LRP12: variants seen among roughly 807,000 people sequenced by gnomAD.
LRP12 encodes the protein LDL receptor related protein 12.
Under a neutral mutation model 66.0 loss-of-function variants are expected in LRP12, and 14 were observed. The observed-to-expected ratio is 0.21, with a 90% CI of 0.14 to 0.33. The LOEUF is 0.33. Ranked by LOEUF, LRP12 falls within the 10% of genes least tolerant of loss-of-function variation. The pLI is 1.00. For synonymous variants in LRP12, 357 were observed against 359.1 expected, an observed-to-expected ratio of 0.99 and a Z score of 0.07; for missense variants, 889 against 1,053.4, an observed-to-expected ratio of 0.84 and a Z score of 2.16.
chr8:104,553,626 C>G (rs1811760304), intron 1 of LRP12, among the ~76,000 whole-genome samples: 1 of 152,154 alleles, frequency 6.6e-6, no homozygotes, highest in African/African-American at 2.4e-5. Flanking sequence ...CACACCTAAC[C>G]CTGCCCCCAC....
intron 2 of LRP12, among the ~76,000 whole-genome samples, chr8:104,527,785 A>G (rs1442409949): frequency 6.6e-6 from 1 of 152,132 alleles, no homozygotes; most frequent in Non-Finnish European, 1.5e-5. Context: ...ATACATATGT[A>G]ACTAACCTGC....
intron 6 of LRP12, among the ~76,000 whole-genome samples, chr8:104,494,563 A>G (rs1588481110): frequency 6.6e-6 from 1 of 152,192 alleles, no homozygotes; most frequent in African/African-American, 2.4e-5. Flanking sequence ...AAATTTTTTT[A>G]ATTGCTAAGA....
chr8:104,534,068 C>CAAAAAAAAA (rs35546158), intron 1 of LRP12, among the ~76,000 whole-genome samples: 1 of 135,866 alleles, frequency 7.4e-6, no homozygotes, highest in Non-Finnish European at 1.6e-5. Flanking sequence ...TTTATAATAG[C>CAAAAAAAAA]AAAAAAAAAA....
chr8:104,572,157 T>C (rs572196035), intron 1 of LRP12, among the ~76,000 whole-genome samples: 3 of 152,234 alleles, frequency 2.0e-5, no homozygotes, highest in Non-Finnish European at 4.4e-5. Flanking sequence ...CAGTCTCAAA[T>C]GGTTATGTGT....
chr8:104,527,826 A>AT (rs1336722252), intron 2 of LRP12, among the ~76,000 whole-genome samples: 1 of 152,140 alleles, frequency 6.6e-6, no homozygotes, highest in African/African-American at 2.4e-5. Context: ...AAAACAAAGT[A>AT]TAATAATAAA....
chr8:104,518,480 T>C (rs747939484), intron 2 of LRP12, among the ~76,000 whole-genome samples: 2 of 151,958 alleles, frequency 1.3e-5, no homozygotes, highest in African/African-American at 2.4e-5. Context: ...TCTGGAAAAA[T>C]TACCAGGGAG....
chr8:104,585,535 T>C (rs1272600180), intron 1 of LRP12, among the ~76,000 whole-genome samples: 1 of 152,144 alleles, frequency 6.6e-6, no homozygotes, highest in East Asian at 1.9e-4. Flanking sequence ...CTCTAAACTA[T>C]ATTTTAAGGC....
chr8:104,547,659 TATA>T (rs1451148073), intron 1 of LRP12, among the ~76,000 whole-genome samples: 16 of 120,796 alleles, frequency 1.3e-4, no homozygotes, highest in African/African-American at 5.4e-4. Flanking sequence ...TAAAATATAA[TATA>T]ATTCTATATT....
At chr8:104,546,213 G>C (rs146319035) in intron 1 of LRP12, among the ~76,000 whole-genome samples, 5 of 152,150 alleles carry the variant, frequency 3.3e-5, no homozygotes, top group Admixed American at 3.3e-4. Context: ...GGAGTACACA[G>C]AAAAGGGAAA....
rs1811328412 is a variant in LRP12, at chr8:104,531,828, T to C, written c.136+79A>G. 4 of 910,096 alleles carry C rather than the reference T, an allele frequency of 4.4e-6. No individual in the cohort carries two copies. In the African/African-American group the frequency reaches 5.1e-5, roughly 12 times the overall value. The allele number at this position is 910,096 out of a possible 1,614,324, so 56.4% of individuals were successfully genotyped here. A position where few individuals can be genotyped will look rare whatever the true frequency, so the allele number is the denominator to read the frequency against. ...AATAATTTTTATAGCCAAATATCAC[T>C]TCGTAAGATACCAGGTGGCTTTCAA... On this transcript the variant is annotated intron_variant, in intron 2 of 6. Coordinates refer to ENST00000276654, the MANE Select transcript of LRP12 (RefSeq NM_013437.5).
At chr8:104,556,124 C>A (rs1027615739) in intron 1 of LRP12, among the ~76,000 whole-genome samples, 1 of 152,080 alleles carries the variant, frequency 6.6e-6, no homozygotes, top group Non-Finnish European at 1.5e-5. Flanking sequence ...AATAGTGACA[C>A]AACCTATCAA....
chr8:104,493,812 T>G (rs1588480827), intron 6 of LRP12, among the ~76,000 whole-genome samples: 1 of 152,242 alleles, frequency 6.6e-6, no homozygotes, highest in Admixed American at 6.5e-5. Context: ...GTTCACACAG[T>G]AATGCCCTCC....
At chr8:104,530,578 T>C (rs1224952679) in intron 2 of LRP12, among the ~76,000 whole-genome samples, 1 of 152,216 alleles carries the variant, frequency 6.6e-6, no homozygotes, top group Non-Finnish European at 1.5e-5. Context: ...AACTGATGTC[T>C]GTTATTTAAG....
chr8:104,499,562 G>A, intron 3 of LRP12, 43 bp from the exon 4 acceptor site: 2 of 1,398,426 alleles, frequency 1.4e-6, no homozygotes, highest in Admixed American at 2.1e-5. Context: ...GTCAATTTTG[G>A]AAAAAAAAAT....
chr8:104,585,556 G>GTAGTGTTTTTCAAGCTAAGGACTGCAA (rs1223760407), intron 1 of LRP12, among the ~76,000 whole-genome samples: 6 of 152,258 alleles, frequency 3.9e-5, no homozygotes, highest in Non-Finnish European at 7.4e-5. Flanking sequence ...TTCATCTTGG[G>GTAGTGTTTTTCAAGCTAAGGACTGCAA]TAGTGTTTTT....
In LRP12 at chr8:104,491,215, G is replaced by A. The variant is rs1391921298; in HGVS notation, c.2038C>T (p.Pro680Ser). 6.2e-7 allele frequency: 1 copy of A among 1,613,964 alleles called. No individual in the cohort carries two copies. Among genetic ancestry groups the A allele is most frequent in the South Asian group, 1.1e-5 (1 of 91,072 alleles). The change falls in exon 7 of 7, where the codon CCT (proline) becomes TCT (serine). Residue 680 changes from proline (P) to serine (S), a missense_variant. Coordinates refer to ENST00000276654, the MANE Select transcript of LRP12 (RefSeq NM_013437.5). Reference sequence around the variant, plus strand: ...GTCGCTTCTACTGCCGTTGTGGGAGGGACTTTTTGAGGCAAAGGAGCTGCA... The same window carrying A: ...GTCGCTTCTACTGCCGTTGTGGGAGAGACTTTTTGAGGCAAAGGAGCTGCA... Reference protein sequence around the residue: ...GVAAPLPQKVPPTTAVEATVG... With the variant: ...GVAAPLPQKVSPTTAVEATVG...
At position 104,564,340 on chromosome 8, in the gene LRP12, A is replaced by C. The variant is rs988682275; in HGVS notation, c.79+24479T>G. Among the ~76,000 whole-genome samples, 3 of 152,344 alleles carry C rather than the reference A, an allele frequency of 2.0e-5. No individual in the cohort carries two copies. In the East Asian group the frequency reaches 5.8e-4, roughly 29 times the overall value. Reference sequence around the variant, plus strand: ...CAGGCCCTGAGATTCAGCATTTCTAACCAGCTACCAGACAGGACCAATGTA... The same window carrying C: ...CAGGCCCTGAGATTCAGCATTTCTACCCAGCTACCAGACAGGACCAATGTA... On this transcript the variant is annotated intron_variant, in intron 1 of 6. Coordinates refer to ENST00000276654, the MANE Select transcript of LRP12 (RefSeq NM_013437.5).
intron 2 of LRP12, among the ~76,000 whole-genome samples, chr8:104,521,726 A>G (rs554391978): frequency 6.6e-6 from 1 of 151,870 alleles, no homozygotes; most frequent in African/African-American, 2.4e-5. Context: ...CTGAAATCCT[A>G]AAAACCCTAA....
chr8:104,552,477 C>A (rs1198664036), intron 1 of LRP12, among the ~76,000 whole-genome samples: 1 of 151,786 alleles, frequency 6.6e-6, no homozygotes, highest in Non-Finnish European at 1.5e-5. Flanking sequence ...CGAGACCAGC[C>A]TGACCAACAT....
Sources: allele counts gnomAD v4.1 joint callset (sites outside exome capture counted in the v4.1 genomes callset), GRCh38; gene constraint gnomAD v4.1.1; transcripts MANE v1.5; gene names NCBI Gene and HGNC (gene_info 2026-07-23, HGNC 2026-07-21).